The following HOPX variants were observed in gnomAD, a reference collection of about 807,000 sequenced individuals.
The protein encoded by HOPX is homeodomain-only protein.
In HOPX, 5 loss-of-function variants were observed where a neutral mutation model predicts 11.8. The ratio of observed to expected loss-of-function variants is 0.43; its 90% CI spans 0.22 to 0.89. The LOEUF is 0.89. Ranked by LOEUF, HOPX falls within the 40% of genes least tolerant of loss-of-function variation. HOPX has a pLI of 0.28. For synonymous variants in HOPX, 49 were observed against 49.7 expected, an observed-to-expected ratio of 0.99 and a Z score of 0.06; for missense variants, 119 against 120.0, an observed-to-expected ratio of 0.99 and a Z score of 0.04.
At chr4:56,650,019 G>T (rs1344375063) in intron 3 of HOPX, 1 of 152,710 alleles carries the variant, frequency 6.5e-6, no homozygotes, top group South Asian at 2.1e-4. Flanking sequence ...CCATTCACAT[G>T]TCATGGGGTA....
chr4:56,657,130 T>C (rs1717802741), intron 2 of HOPX, among the ~76,000 whole-genome samples: 1 of 152,164 alleles, frequency 6.6e-6, no homozygotes, highest in African/African-American at 2.4e-5. Context: ...AGTCTCTGAA[T>C]TGGGACCAAA....
At chr4:56,671,365 T>G (rs893824822) in intron 1 of HOPX, among the ~76,000 whole-genome samples, 2 of 152,074 alleles carry the variant, frequency 1.3e-5, no homozygotes, top group African/African-American at 4.8e-5. Context: ...AGGTTAGTTG[T>G]GTATTTTGAA....
rs1716825108 is a variant in HOPX, at chr4:56,648,099, T to C, written c.*621A>G. Reference sequence around the variant, plus strand: ...ACTTAACCAATGCATTTAAATATAGTAAATTCAAGAACTTTGGTGGTTTTT... The same window carrying C: ...ACTTAACCAATGCATTTAAATATAGCAAATTCAAGAACTTTGGTGGTTTTT... On this transcript the variant is annotated 3_prime_UTR_variant, in exon 4 of 4. Transcript: ENST00000420433. 6.6e-6 allele frequency: 1 copy of C among 152,246 alleles called. No homozygotes were observed. The highest frequency in any genetic ancestry group is 2.1e-4 in the South Asian group (1 of 4,836). The allele number at this position is 152,246 out of a possible 1,614,324, so 9.4% of individuals were successfully genotyped here.
Position 56,655,843 on chromosome 4 carries a change from G to C in HOPX, c.198+14C>G. ...GCAGGGGTCGGGGCGCGCTGGGCGCGTGTGGGGACGCACCTGGGTCTCCTC... is the reference window on the plus strand; with the variant it reads ...GCAGGGGTCGGGGCGCGCTGGGCGCCTGTGGGGACGCACCTGGGTCTCCTC... On this transcript the variant is annotated intron_variant, in intron 3 of 3. Transcript: ENST00000420433. 1 of 1,608,986 alleles carries C rather than the reference G, an allele frequency of 6.2e-7. No individual in the cohort carries two copies. Among genetic ancestry groups the C allele is most frequent in the Non-Finnish European group, 8.5e-7 (1 of 1,177,978 alleles).
intron 1 of HOPX, among the ~76,000 whole-genome samples, chr4:56,673,667 C>G (rs1394053029): frequency 2.0e-5 from 3 of 152,160 alleles, no homozygotes; most frequent in Non-Finnish European, 4.4e-5. Flanking sequence ...CTTCTCTTGT[C>G]CAAGCTAAAT....
At chr4:56,667,875 G>A (rs531603944) in intron 1 of HOPX, among the ~76,000 whole-genome samples, 4 of 152,150 alleles carry the variant, frequency 2.6e-5, no homozygotes, top group Admixed American at 6.5e-5. Flanking sequence ...AAAGGGACCC[G>A]ATATCCAGGT....
intron 2 of HOPX, chr4:56,656,228 G>A: frequency 8.7e-7 from 1 of 1,151,758 alleles, no homozygotes; most frequent in Non-Finnish European, 1.1e-6. Flanking sequence ...CGCTGTTGCG[G>A]GCTGACGGCA....
At chr4:56,667,068 A>G (rs1424404411) in intron 1 of HOPX, among the ~76,000 whole-genome samples, 1 of 152,210 alleles carries the variant, frequency 6.6e-6, no homozygotes. Context: ...GGAACTGTTG[A>G]GGACTGTACA....
chr4:56,652,809 GAC>G (rs757096599), intron 3 of HOPX, among the ~76,000 whole-genome samples: 21,989 of 151,932 alleles, frequency 0.14, 2,381 homozygotes, highest in African/African-American at 0.29. Flanking sequence ...GACAGAGTGA[GAC>G]ACTCTCTCCA....
At chr4:56,680,076 C>G (rs755020933) in intron 1 of HOPX, 1 of 152,080 alleles carries the variant, frequency 6.6e-6, no homozygotes, top group African/African-American at 2.4e-5. Context: ...AGGTTTTTAA[C>G]TCGCCACCAC....
chr4:56,660,554 G>A (rs909331032), intron 1 of HOPX, among the ~76,000 whole-genome samples: 4 of 151,282 alleles, frequency 2.6e-5, no homozygotes, highest in African/African-American at 9.7e-5. Flanking sequence ...TATGACTTTG[G>A]GATTTGAAAA....
chr4:56,655,554 T>TATCC (rs967975960), intron 3 of HOPX, among the ~76,000 whole-genome samples: 2 of 151,572 alleles, frequency 1.3e-5, no homozygotes, highest in African/African-American at 4.9e-5. Context: ...AGAAAGCGTG[T>TATCC]ATCCCGGGCT....
chr4:56,669,631 C>G (rs1444064651), intron 1 of HOPX, among the ~76,000 whole-genome samples: 3 of 151,406 alleles, frequency 2.0e-5, no homozygotes, highest in Non-Finnish European at 4.4e-5. Flanking sequence ...TGCACTCCAA[C>G]CCGGGTGATA....
intron 1 of HOPX, chr4:56,664,607 C>T (rs1405731993): frequency 6.6e-6 from 1 of 152,048 alleles, no homozygotes; most frequent in Non-Finnish European, 1.5e-5. Flanking sequence ...AAATCCAATG[C>T]TGTATATTTG....
upstream of HOPX, chr4:56,681,681 C>G (rs1223557311): frequency 2.0e-6 from 2 of 999,756 alleles, no homozygotes; most frequent in African/African-American, 1.7e-5. Context: ...TAGATGTTGC[C>G]TCATTTCAAA....
intron 1 of HOPX, among the ~76,000 whole-genome samples, chr4:56,666,622 A>G (rs1718455315): frequency 6.6e-6 from 1 of 152,248 alleles, no homozygotes; most frequent in Non-Finnish European, 1.5e-5. Flanking sequence ...AAAGATGCTC[A>G]TAAAACTTAG....
rs1343390857 is a variant in HOPX at position 56,657,901 on chromosome 4, T to G, written c.-83-2A>C. ...TCAGTGGGGCAGTCTGTCATTAGTCTGGTAGGAAAAATCAGGAGGGCAGTA... is the reference window on the plus strand; with the variant it reads ...TCAGTGGGGCAGTCTGTCATTAGTCGGGTAGGAAAAATCAGGAGGGCAGTA... On this transcript the variant is annotated splice_acceptor_variant, in intron 1 of 3. Transcript: ENST00000420433. LOFTEE classifies it low-confidence loss of function (5UTR_SPLICE). 2.6e-6 allele frequency: 4 copies of G among 1,550,312 alleles called. No homozygotes were observed. The highest frequency in any genetic ancestry group is 3.5e-6 in the Non-Finnish European group (4 of 1,146,606).
At chr4:56,673,791 G>A (rs1718862115) in intron 1 of HOPX, among the ~76,000 whole-genome samples, 1 of 152,168 alleles carries the variant, frequency 6.6e-6, no homozygotes, top group Non-Finnish European at 1.5e-5. Flanking sequence ...TGCAGCCTTC[G>A]CCTCCCGGGT....
chr4:56,670,885 T>A (rs188907733), intron 1 of HOPX, among the ~76,000 whole-genome samples: 3 of 151,768 alleles, frequency 2.0e-5, no homozygotes, highest in Admixed American at 2.0e-4. Context: ...CAATCTCAGC[T>A]ACTCGGGAGG....
Sources: allele counts gnomAD v4.1 joint callset (sites outside exome capture counted in the v4.1 genomes callset), GRCh38; gene constraint gnomAD v4.1.1; transcripts MANE v1.5; gene names NCBI Gene and HGNC (gene_info 2026-07-23, HGNC 2026-07-21).